Variants in STK25 observed in about 807,000 individuals in gnomAD.
STK25 encodes the protein serine/threonine-protein kinase 25.
In STK25, 29 loss-of-function variants were observed where a neutral mutation model predicts 53.8. The ratio of observed to expected loss-of-function variants is 0.54; its 90% confidence interval spans 0.40 to 0.74. STK25 has a LOEUF of 0.74. Among genes scored for constraint, STK25 ranks in the 30% least tolerant of loss-of-function variants. The probability of loss-of-function intolerance (pLI) is 0.00; values close to 1 mark genes in which losing one functional copy is unlikely to be tolerated. For missense variants in STK25, 420 were observed against 568.0 expected (o/e 0.74, Z 2.65); for synonymous variants, 247 against 238.3 (o/e 1.04, Z -0.33).
rs1208874332 is a variant in STK25, at chr2:241,496,301, A to G, written c.1241+97T>C. On this transcript the variant is annotated intron_variant, in intron 11 of 11. Transcript: ENST00000316586. The surrounding 1 kb of genome is among the most constrained non-coding windows in gnomAD (Gnocchi z 5.8). ...AGTGAAGCGAGCCCATGTAGTGCCAAATGCAGCCACACCCACGAGTGAGCA... is the reference window on the plus strand; with the variant it reads ...AGTGAAGCGAGCCCATGTAGTGCCAGATGCAGCCACACCCACGAGTGAGCA... 1 of 1,465,098 alleles carries G rather than the reference A, an allele frequency of 6.8e-7. No individual in the cohort carries two copies. Among genetic ancestry groups the G allele is most frequent in the African/African-American group, 1.4e-5 (1 of 71,730 alleles). The allele number at this position is 1,465,098 out of a possible 1,614,324, so 90.8% of individuals were successfully genotyped here. A position where few individuals can be genotyped will look rare whatever the true frequency, so the allele number is the denominator to read the frequency against.
chr2:241,493,591 T>G lies in STK25; in HGVS notation c.*2071A>C. 1.5e-6 allele frequency: 1 copy of G among 663,304 alleles called. No homozygotes were observed. The highest frequency in any genetic ancestry group is 2.5e-6 in the Non-Finnish European group (1 of 399,272). 41.1% of individuals were successfully genotyped at this position (663,304 alleles called of 1,614,324 possible). On this transcript the variant is annotated 3_prime_UTR_variant, in exon 12 of 12. Transcript: ENST00000316586. ...TTCCAGCATTTCCAAAAAACAGCAATGCTTTGTTTTTTTTTTTTTTGGAGA... is the reference window on the plus strand; with the variant it reads ...TTCCAGCATTTCCAAAAAACAGCAAGGCTTTGTTTTTTTTTTTTTTGGAGA...
In STK25 at chr2:241,497,653, T is replaced by C; in HGVS notation, c.1067A>G (p.Gln356Arg). Residue 356 changes from glutamine (Q) to arginine (R), a missense_variant, in exon 10 of 12, where the codon CAG (glutamine) becomes CGG (arginine). Gln to Arg is a conservative substitution (Grantham distance 43). Coordinates refer to ENST00000316586, the MANE Select transcript of STK25 (RefSeq NM_001271977.2). ...AEPVKRQPRS[Q>R]CLSTLVRPVF... The stretch of plus-strand genomic sequence containing the variant: ...GGGCCGGACCAGCGTGGACAGGCAC[T>C]GGGACCTCGGCTGCCTCTTGACGGG... 1 of 1,613,468 alleles carries C rather than the reference T, an allele frequency of 6.2e-7. No individual in the cohort carries two copies. Among genetic ancestry groups the C allele is most frequent in the East Asian group, 2.2e-5 (1 of 44,878 alleles).
rs1372859836 is a variant in STK25 at position 241,496,970 on chromosome 2, C to A, written c.1105-436G>T. Among the ~76,000 whole-genome samples the A allele has an allele frequency of 6.6e-6, 1 of 152,270 alleles. No homozygotes were observed. The highest frequency in any genetic ancestry group is 1.5e-5 in the Non-Finnish European group (1 of 68,054). ...GCCTCCTGTCACCGGGTGTCACCCA[C>A]CCTCGGGGGGCTGTGGCTGGATCAG... On this transcript the variant is annotated intron_variant, in intron 10 of 11. Coordinates refer to ENST00000316586, the MANE Select transcript of STK25 (RefSeq NM_001271977.2). This position sits in a 1 kb window ranked among gnomAD's most constrained non-coding sequence, Gnocchi z 5.8.
chr2:241,498,633 C>T lies in STK25; in HGVS notation c.917+6G>A. The T allele has an allele frequency of 6.2e-7, 1 of 1,611,262 alleles. No homozygotes were observed. Among genetic ancestry groups the T allele is most frequent in the Non-Finnish European group, 8.5e-7 (1 of 1,178,464 alleles). ...GGGTCACCATGAGGATAAACCAGGT[C>T]CCTACATGTCAGAGTCCTCAGAGCT... On this transcript the variant is annotated splice_donor_region_variant and intron_variant, in intron 8 of 11. Coordinates refer to ENST00000316586, the MANE Select transcript of STK25 (RefSeq NM_001271977.2).
At chr2:241,506,100 C>G (rs2065807948) in intron 2 of STK25, among the ~76,000 whole-genome samples, 1 of 152,240 alleles carries the variant, frequency 6.6e-6, no homozygotes, top group African/African-American at 2.4e-5. Context: ...CAGGGCCAGG[C>G]AGGAACTGGC....
rs563603130 is a variant in STK25, at chr2:241,498,947, C to CA, written c.771+41dup. On this transcript the variant is annotated intron_variant, in intron 7 of 11. Coordinates refer to ENST00000316586, the MANE Select transcript of STK25 (RefSeq NM_001271977.2). ...CCACCCCAAGCGAACGCCCTCCCTC[C>CA]ACGTCCTGTCTAGAAGGGACCGGGC... 953 of 1,612,766 alleles carry CA rather than the reference C, an allele frequency of 5.9e-4. 6 individuals are homozygous for CA. In the South Asian group the frequency reaches 9.8e-3, roughly 17 times the overall value.
chr2:241,498,716 G>A lies in STK25; in HGVS notation c.840C>T (p.Leu280=). 4.3e-6 allele frequency: 7 copies of A among 1,614,162 alleles called. No homozygotes were observed. The highest frequency in any genetic ancestry group is 2.2e-5 in the East Asian group (1 of 44,888). ...GCTTATAGCGGTCGATGAGCTCCGT[G>A]AGGAAGGAGGTCTTCTTGGTGTAGC... The part of the protein sequence containing the change: ...ITRYTKKTSF[L]TELIDRYKRW... The change falls in exon 8 of 12, where the codon CTC becomes CTT. Residue 280 remains leucine, a synonymous_variant. Transcript: ENST00000316586.
At chr2:241,503,856 A>G (rs1052396498) in intron 2 of STK25, among the ~76,000 whole-genome samples, 35 of 151,328 alleles carry the variant, frequency 2.3e-4, no homozygotes, top group African/African-American at 8.0e-4. Context: ...CAGCCCTCAC[A>G]CTCACCCCCT....
At chr2:241,507,901 C>G in intron 2 of STK25, 105 bp downstream of exon 2, 1 of 1,213,446 alleles carries the variant, frequency 8.2e-7, no homozygotes, top group Non-Finnish European at 1.2e-6. Context: ...CTCCTTCCCT[C>G]ACCCCACTGC....
rs2065100454 is a variant in STK25, at chr2:241,495,597, A to G, written c.*65T>C. On this transcript the variant is annotated 3_prime_UTR_variant, in exon 12 of 12. Coordinates refer to ENST00000316586, the MANE Select transcript of STK25 (RefSeq NM_001271977.2). ...CACAGGGCACCTTCCAAGTCAGCAC[A>G]GTTCTTATGGAGCTCAGAACAAAAA... The G allele has an allele frequency of 1.3e-6, 2 of 1,575,510 alleles. No homozygotes were observed. Among genetic ancestry groups the G allele is most frequent in the Non-Finnish European group, 1.7e-6 (2 of 1,144,976 alleles).
At chr2:241,500,665 C>T in intron 4 of STK25, 75 bp downstream of exon 4, 2 of 1,480,390 alleles carry the variant, frequency 1.4e-6, no homozygotes, top group Non-Finnish European at 1.9e-6. Context: ...AGAGGTGGCC[C>T]CTGGAGCCCA....
In STK25 at chr2:241,493,571, G is replaced by C. The variant is rs2124927890; in HGVS notation, c.*2091C>G. On this transcript the variant is annotated 3_prime_UTR_variant, in exon 12 of 12. Transcript: ENST00000316586. ...AAGGAAGGGCTGAGCAATGCTTCCA[G>C]CATTTCCAAAAAACAGCAATGCTTT... The C allele has an allele frequency of 1.3e-6, 1 of 799,306 alleles. No homozygotes were observed. The highest frequency in any genetic ancestry group is 2.0e-6 in the Non-Finnish European group (1 of 498,328). 49.5% of individuals were successfully genotyped at this position (799,306 alleles called of 1,614,324 possible). A position where few individuals can be genotyped will look rare whatever the true frequency, so the allele number is the denominator to read the frequency against.
rs1241215960 is a variant in STK25, at chr2:241,496,744, C to T, written c.1105-210G>A. On this transcript the variant is annotated intron_variant, in intron 10 of 11. Coordinates refer to ENST00000316586, the MANE Select transcript of STK25 (RefSeq NM_001271977.2). This position sits in a 1 kb window ranked among gnomAD's most constrained non-coding sequence, Gnocchi z 5.8. ...CGGGGACCCTAGTGGTCCTTCCCCA[C>T]AGCACCTACCTTCCCCCTACACTCC... 6.6e-6 allele frequency among the ~76,000 whole-genome samples: 1 copy of T among 152,068 alleles called. No individual in the cohort carries two copies. Among genetic ancestry groups the T allele is most frequent in the Non-Finnish European group, 1.5e-5 (1 of 67,984 alleles).
chr2:241,506,188 C>T (rs1179223667), intron 2 of STK25, among the ~76,000 whole-genome samples: 3 of 152,202 alleles, frequency 2.0e-5, no homozygotes, highest in Non-Finnish European at 2.9e-5. Context: ...AAGGGGCTGC[C>T]CCACAGGTCC....
intron 10 of STK25, 146 bp downstream of exon 10, chr2:241,497,470 A>C: frequency 1.3e-6 from 1 of 791,536 alleles, no homozygotes; most frequent in Non-Finnish European, 2.1e-6. Context: ...TGCTCCTTCC[A>C]CTCAGAAAAC....
Position 241,493,340 on chromosome 2 carries a change from C to G in STK25, c.*2322G>C. On this transcript the variant is annotated 3_prime_UTR_variant, in exon 12 of 12. Coordinates refer to ENST00000316586, the MANE Select transcript of STK25 (RefSeq NM_001271977.2). ...TCCCGCTGCTGGGCTACAGCGTGAG[C>G]ATCCCCAGGGAGGCCGATGGCATAC... 3 of 1,614,020 alleles carry G rather than the reference C, an allele frequency of 1.9e-6. No homozygotes were observed. In the South Asian group the frequency reaches 3.3e-5, roughly 18 times the overall value.
rs752452467 is a variant in STK25 at position 241,499,164 on chromosome 2, C to G, written c.596G>C (p.Trp199Ser). The part of the protein sequence containing the change: ...QSAYDFKADI[W>S]SLGITAIELA... Reference sequence around the variant, plus strand: ...CTCGATGGCTGTGATCCCCAGGGACCAGATGTCAGCCTGGACAGAACACAA... The same window carrying G: ...CTCGATGGCTGTGATCCCCAGGGACGAGATGTCAGCCTGGACAGAACACAA... The change falls in exon 7 of 12, where the codon TGG (tryptophan) becomes TCG (serine). Residue 199 changes from tryptophan to serine, a missense_variant. Trp to Ser is a radical substitution (Grantham distance 177, BLOSUM62 -3). Transcript: ENST00000316586. 6.2e-7 allele frequency: 1 copy of G among 1,613,850 alleles called. No homozygotes were observed. Among genetic ancestry groups the G allele is most frequent in the Non-Finnish European group, 8.5e-7 (1 of 1,179,852 alleles).
chr2:241,507,447 GGTCCTGACAGAGCAGCCTTT>G (rs1448374214), intron 2 of STK25, among the ~76,000 whole-genome samples: 7 of 152,338 alleles, frequency 4.6e-5, no homozygotes, highest in Admixed American at 1.3e-4. Flanking sequence ...GGGGTTAAAC[GGTCCTGACAGAGCAGCCTTT>G]TCACCCTCCC....
At chr2:241,499,668 C>A in intron 5 of STK25, 1 of 573,612 alleles carries the variant, frequency 1.7e-6, no homozygotes, top group African/African-American at 1.9e-5. Context: ...CAAATCCCAA[C>A]GACAAGCGAC....
Sources: gnomAD v4.1 joint callset for allele counts (sites outside exome capture counted in the v4.1 genomes callset) on GRCh38, gnomAD v4.1.1 for gene constraint, Gnocchi (gnomAD v3.1) non-coding constraint, MANE v1.5 for transcripts, NCBI Gene and HGNC (gene_info 2026-07-23, HGNC 2026-07-21) for gene names.